Variants in MEGF11 observed in about 807,000 individuals in gnomAD.
The protein encoded by MEGF11 is multiple epidermal growth factor-like domains protein 11.
MEGF11 carries 126 observed loss-of-function variants against 146.6 expected under a neutral mutation model. The ratio of observed to expected loss-of-function variants is 0.86; its 90% CI spans 0.74 to 1.00. MEGF11 has a LOEUF of 1.00. Among genes scored for constraint, MEGF11 ranks in the 50% least tolerant of loss-of-function variants. The pLI is 0.00. For synonymous variants in MEGF11, 532 were observed against 583.4 expected, an observed-to-expected ratio of 0.91 and a Z score of 1.27; for missense variants, 1,509 against 1,521.2, an observed-to-expected ratio of 0.99 and a Z score of 0.13.
intron 1 of MEGF11, among the ~76,000 whole-genome samples, chr15:66,249,217 GT>G (rs772144943): frequency 7.9e-5 from 12 of 152,218 alleles, no homozygotes; most frequent in Non-Finnish European, 1.8e-4. Flanking sequence ...CACACTGGCT[GT>G]TCAGTTGTTT....
intron 5 of MEGF11, among the ~76,000 whole-genome samples, chr15:66,026,360 C>G (rs1239787447): frequency 6.6e-6 from 1 of 152,334 alleles, no homozygotes; most frequent in African/African-American, 2.4e-5. Context: ...GATGAAGGGA[C>G]CACGGCTTTA....
chr15:65,915,029 T>C (rs1032323199), intron 19 of MEGF11, among the ~76,000 whole-genome samples: 2 of 152,192 alleles, frequency 1.3e-5, no homozygotes, highest in African/African-American at 4.8e-5. Context: ...TTGAGCCCCT[T>C]TGGGCTCCTC....
At chr15:66,223,803 G>A (rs1265805442) in intron 1 of MEGF11, among the ~76,000 whole-genome samples, 1 of 152,234 alleles carries the variant, frequency 6.6e-6, no homozygotes, top group East Asian at 1.9e-4. Flanking sequence ...CAATAAAGCT[G>A]CTACAAATCT....
At chr15:66,171,946 G>A (rs1047094334) in intron 1 of MEGF11, among the ~76,000 whole-genome samples, 8 of 152,112 alleles carry the variant, frequency 5.3e-5, no homozygotes, top group South Asian at 2.1e-4. Context: ...ATTAATTCCC[G>A]GCGCCTCCAG....
chr15:66,015,806 C>T (rs143299907), intron 5 of MEGF11, among the ~76,000 whole-genome samples: 27 of 151,728 alleles, frequency 1.8e-4, no homozygotes, highest in Middle Eastern at 6.8e-3. Flanking sequence ...CACCGGGCCA[C>T]AGCCTGAGAG....
chr15:65,922,291 A>G, intron 15 of MEGF11, 47 bp downstream of exon 15: 1 of 1,590,310 alleles, frequency 6.3e-7, no homozygotes. Context: ...CTTTCCTCCC[A>G]GAACCTCTCA....
chr15:66,213,029 GA>G (rs1261362494), intron 1 of MEGF11, among the ~76,000 whole-genome samples: 18 of 152,274 alleles, frequency 1.2e-4, no homozygotes, highest in Non-Finnish European at 1.8e-4. Context: ...GTGATATCGG[GA>G]AATTGTGGAC....
intron 5 of MEGF11, among the ~76,000 whole-genome samples, chr15:66,034,904 T>G (rs928764881): frequency 6.6e-6 from 1 of 152,184 alleles, no homozygotes; most frequent in Non-Finnish European, 1.5e-5. Context: ...GGAGTGGCTT[T>G]GTTGTAAAAG....
At chr15:65,898,454 T>C (rs769892670) in intron 25 of MEGF11, 92 of 985,242 alleles carry the variant, frequency 9.3e-5, no homozygotes, top group Non-Finnish European at 1.0e-4. Context: ...TGTGTGTGTG[T>C]GCGCGCGTGC....
At chr15:66,162,871 A>C (rs553162843) in intron 1 of MEGF11, among the ~76,000 whole-genome samples, 8 of 152,358 alleles carry the variant, frequency 5.3e-5, no homozygotes, top group East Asian at 3.9e-4. Flanking sequence ...AAAGAAATCT[A>C]ATTGAATTAC....
chr15:66,202,119 G>A (rs1000905876), intron 1 of MEGF11, among the ~76,000 whole-genome samples: 10 of 149,278 alleles, frequency 6.7e-5, no homozygotes, highest in African/African-American at 2.5e-4. Context: ...GTACATTCAC[G>A]CGTGCATGCA....
At chr15:66,168,415 G>C (rs1009178912) in intron 1 of MEGF11, among the ~76,000 whole-genome samples, 1 of 152,154 alleles carries the variant, frequency 6.6e-6, no homozygotes, top group Non-Finnish European at 1.5e-5. Flanking sequence ...GTTGTGTGTG[G>C]TTGTGAGATC....
At chr15:66,047,960 T>TC (rs1351331307) in intron 5 of MEGF11, among the ~76,000 whole-genome samples, 2 of 150,380 alleles carry the variant, frequency 1.3e-5, no homozygotes, top group African/African-American at 4.9e-5. Context: ...AGTGTTTTTT[T>TC]TTTTTCTTTT....
chr15:66,072,898 T>C lies in MEGF11; in HGVS notation c.394+21504A>G, dbSNP rs145070786. ...CAAGGCCCCGGTCTCTGCCTTGCCC[T>C]ATGGGCCCTCTGATTTAAGGTGGCA... On this transcript the variant is annotated intron_variant, in intron 5 of 25. Transcript: ENST00000395614. Among the ~76,000 whole-genome samples, 149 of 152,352 alleles carry C rather than the reference T, an allele frequency of 9.8e-4. No homozygotes were observed. The Middle Eastern group carries it at 0.02, about 21-fold the overall frequency.
intron 1 of MEGF11, among the ~76,000 whole-genome samples, chr15:66,185,398 T>G (rs754097578): frequency 6.6e-6 from 1 of 151,966 alleles, no homozygotes; most frequent in South Asian, 2.1e-4. Context: ...TTTTGTGGGG[T>G]TTTTTTTCTT....
At chr15:66,027,913 T>A (rs1359027597) in intron 5 of MEGF11, among the ~76,000 whole-genome samples, 1 of 152,174 alleles carries the variant, frequency 6.6e-6, no homozygotes, top group African/African-American at 2.4e-5. Flanking sequence ...CTTCCTCATC[T>A]GCAAAATGGG....
intron 9 of MEGF11, among the ~76,000 whole-genome samples, chr15:65,963,122 G>A (rs550620782): frequency 3.3e-4 from 51 of 152,286 alleles, no homozygotes; most frequent in African/African-American, 1.2e-3. Flanking sequence ...ATTGGACCCC[G>A]GCATCAGCCT....
At chr15:65,970,852 T>TGGGAGAC (rs2081279472) in intron 7 of MEGF11, 163 bp from the exon 8 acceptor site, 1 of 746,302 alleles carries the variant, frequency 1.3e-6, no homozygotes, top group Non-Finnish European at 2.1e-6. Context: ...AGATGGGAGA[T>TGGGAGAC]GGGAGACTGA....
chr15:66,214,923 C>T (rs1012550552), intron 1 of MEGF11, among the ~76,000 whole-genome samples: 1 of 151,896 alleles, frequency 6.6e-6, no homozygotes, highest in African/African-American at 2.4e-5. Context: ...GGGAGGGGTG[C>T]AGAGAAGGAA....
Sources: gnomAD v4.1 joint callset for allele counts (sites outside exome capture counted in the v4.1 genomes callset) on GRCh38, gnomAD v4.1.1 for gene constraint, MANE v1.5 for transcripts, NCBI Gene and HGNC (gene_info 2026-07-23, HGNC 2026-07-21) for gene names.